SASH1: variants seen among roughly 807,000 people sequenced by gnomAD.
SASH1 encodes the protein SAM and SH3 domain containing 1.
In SASH1, 44 loss-of-function variants were observed where a neutral mutation model predicts 125.2. The observed-to-expected ratio is 0.35, with a 90% CI of 0.28 to 0.45. SASH1 has a LOEUF of 0.45. Ranked by LOEUF, SASH1 falls within the 20% of genes least tolerant of loss-of-function variation. SASH1 has a pLI of 1.00. For synonymous variants in SASH1, 639 were observed against 649.1 expected (o/e 0.98, Z 0.24); for missense variants, 1,426 against 1,614.5 (o/e 0.88, Z 2.00).
the SASH1 span, among the ~76,000 whole-genome samples, chr6:148,228,377 A>G: frequency 6.6e-6 from 1 of 152,250 alleles, no homozygotes; most frequent in African/African-American, 2.4e-5. Flanking sequence ...CAAAGAAATC[A>G]CAATTCCTCC....
chr6:148,297,691 G>A (rs1279105197), intron 1 of SASH1, among the ~76,000 whole-genome samples: 8 of 152,104 alleles, frequency 5.3e-5, no homozygotes, highest in Non-Finnish European at 1.2e-4. Flanking sequence ...TTAGCTGGGT[G>A]TGGCAGCGTG....
chr6:148,317,575 C>T (rs1780513355), intron 1 of SASH1, among the ~76,000 whole-genome samples: 1 of 152,216 alleles, frequency 6.6e-6, no homozygotes, highest in African/African-American at 2.4e-5. Context: ...CAGGCATGTG[C>T]CACCACATCC....
chr6:148,427,261 T>A (rs1350794791), intron 2 of SASH1, among the ~76,000 whole-genome samples: 2 of 152,106 alleles, frequency 1.3e-5, no homozygotes, highest in Non-Finnish European at 2.9e-5. Context: ...TCTTTACCCC[T>A]GGGAAATTCA....
the SASH1 span, among the ~76,000 whole-genome samples, chr6:148,207,443 G>A: frequency 3.3e-5 from 5 of 152,146 alleles, no homozygotes; most frequent in South Asian, 2.1e-4. Flanking sequence ...TCTCCATCCC[G>A]AACAGTTCTA....
Position 148,452,539 on chromosome 6 carries a change from C to T in SASH1, c.386+12132C>T, listed in dbSNP as rs191479355. On this transcript the variant is annotated intron_variant, in intron 4 of 19. Transcript: ENST00000367467. ...TGGACAGAATCTGAGCGTGAGTTTA[C>T]GCTCCGCTAGTTGTGGGACTGGGAA... is the stretch of plus-strand genomic sequence containing the variant. Among the ~76,000 whole-genome samples the T allele has an allele frequency of 7.2e-5, 11 of 152,334 alleles. No homozygotes were observed. The East Asian group carries it at 1.2e-3, about 16-fold the overall frequency.
At chr6:148,510,767 G>A (rs549455926) in intron 8 of SASH1, among the ~76,000 whole-genome samples, 11 of 151,944 alleles carry the variant, frequency 7.2e-5, no homozygotes, top group East Asian at 3.9e-4. Flanking sequence ...AGGCTGAGGC[G>A]GGCAGATTAC....
At chr6:148,525,426 C>G (rs2115376045) in intron 11 of SASH1, 61 bp downstream of exon 11, 1 of 1,274,404 alleles carries the variant, frequency 7.8e-7, no homozygotes, top group South Asian at 1.2e-5. Flanking sequence ...GACAATAGTT[C>G]ACCATTGAGT....
At chr6:148,258,225 T>C in the SASH1 span, among the ~76,000 whole-genome samples, 3 of 152,168 alleles carry the variant, frequency 2.0e-5, no homozygotes, top group African/African-American at 7.2e-5. Context: ...ATTTATTATG[T>C]GTTAGAATGC....
rs759409120 is a variant in SASH1 at position 148,533,869 on chromosome 6, C to T, written c.1833C>T (p.Asp611=). 20 of 1,613,926 alleles carry T rather than the reference C, an allele frequency of 1.2e-5. No homozygotes were observed. The highest frequency in any genetic ancestry group is 1.7e-5 in the Admixed American group (1 of 59,996). The stretch of plus-strand genomic sequence containing the variant: ...GCACGTTCAAGTTCATCTACGTGGA[C>T]GTGCTCAGTGAAGACGAGGAGAAAC... The part of the protein sequence containing the change: ...KVGTFKFIYV[D]VLSEDEEKPK... The change falls in exon 15 of 20, where the codon GAC becomes GAT. Residue 611 remains aspartate (D), a synonymous_variant. Coordinates refer to ENST00000367467, the MANE Select transcript of SASH1 (RefSeq NM_015278.5). The surrounding 1 kb of genome is among the most constrained non-coding windows in gnomAD (Gnocchi z 6.2).
intron 1 of SASH1, among the ~76,000 whole-genome samples, chr6:148,355,673 T>G (rs1039628828): frequency 6.6e-6 from 1 of 152,142 alleles, no homozygotes; most frequent in Non-Finnish European, 1.5e-5. Flanking sequence ...AGAGCTTCCA[T>G]AGAGACCAGG....
At chr6:148,505,492 G>T (rs780406177) in intron 8 of SASH1, among the ~76,000 whole-genome samples, 8 of 152,020 alleles carry the variant, frequency 5.3e-5, no homozygotes, top group Admixed American at 1.3e-4. Flanking sequence ...TGTATTTTTA[G>T]TAGAGACCAT....
chr6:148,441,069 A>G (rs552818665), intron 4 of SASH1, among the ~76,000 whole-genome samples: 2 of 152,182 alleles, frequency 1.3e-5, no homozygotes, highest in Admixed American at 6.5e-5. Context: ...TTTCTGCTTT[A>G]TTGCATCATC....
At position 148,484,190 on chromosome 6, in the gene SASH1, A is replaced by G. The variant is rs200690964; in HGVS notation, c.628-3424A>G. Among the ~76,000 whole-genome samples the G allele has an allele frequency of 1.1e-4, 17 of 152,336 alleles. No homozygotes were observed. In the East Asian group the frequency reaches 2.7e-3, roughly 24 times the overall value. ...CTAGTAGAAATTGGAACATTATGAT[A>G]TATCTCTCCCTAAAGGTCTCCAAGA... On this transcript the variant is annotated intron_variant, in intron 7 of 19. Transcript: ENST00000367467.
intron 1 of SASH1, among the ~76,000 whole-genome samples, chr6:148,364,995 T>C (rs1193472995): frequency 6.6e-6 from 1 of 151,992 alleles, no homozygotes; most frequent in Non-Finnish European, 1.5e-5. Context: ...TGGTGGTATG[T>C]GCCTGTAATC....
intron 1 of SASH1, among the ~76,000 whole-genome samples, chr6:148,382,580 G>A (rs545887628): frequency 2.8e-4 from 42 of 152,240 alleles, no homozygotes; most frequent in Admixed American, 6.5e-5. Flanking sequence ...ATGAGCCACC[G>A]TGCCTGGCCC....
chr6:148,401,851 A>G (rs1174628587), intron 2 of SASH1, among the ~76,000 whole-genome samples: 3 of 152,166 alleles, frequency 2.0e-5, no homozygotes, highest in Non-Finnish European at 4.4e-5. Flanking sequence ...CAAAGATGCC[A>G]AAAGGAAGAC....
intron 10 of SASH1, among the ~76,000 whole-genome samples, chr6:148,521,358 A>G (rs1031868820): frequency 1.3e-5 from 2 of 152,246 alleles, no homozygotes; most frequent in African/African-American, 4.8e-5. Context: ...CTTCCCGTTC[A>G]TGAACAGGAT....
At chr6:148,291,764 T>TA (rs1779640307) in intron 1 of SASH1, among the ~76,000 whole-genome samples, 1 of 151,928 alleles carries the variant, frequency 6.6e-6, no homozygotes, top group African/African-American at 2.4e-5. Context: ...TTAAGTCAAA[T>TA]GAAAACCAAA....
chr6:148,538,688 C>T (rs1444808021), intron 16 of SASH1, among the ~76,000 whole-genome samples: 1 of 152,134 alleles, frequency 6.6e-6, no homozygotes, highest in African/African-American at 2.4e-5. Context: ...TGGTGGACAG[C>T]CGGAGAGCTG....
Sources: allele counts gnomAD v4.1 joint callset (sites outside exome capture counted in the v4.1 genomes callset), GRCh38; gene constraint gnomAD v4.1.1; non-coding constraint Gnocchi (gnomAD v3.1); transcripts MANE v1.5; gene names NCBI Gene and HGNC (gene_info 2026-07-23, HGNC 2026-07-21).